The following PCDH10 variants were observed in gnomAD, a reference collection of about 807,000 sequenced individuals.
PCDH10 encodes protocadherin-10.
A neutral mutation model predicts 74.4 loss-of-function variants in PCDH10; 15 were observed. The ratio of observed to expected loss-of-function variants is 0.20; its 90% CI spans 0.13 to 0.31. The LOEUF (loss-of-function observed/expected upper bound fraction) is 0.31, where lower values mean the gene tolerates loss of function less well. Ranked by LOEUF, PCDH10 falls within the 10% of genes least tolerant of loss-of-function variation. PCDH10 has a pLI of 1.00. For synonymous variants in PCDH10, 619 were observed against 589.8 expected (o/e 1.05, Z -0.72); for missense variants, 1,260 against 1,390.2 (o/e 0.91, Z 1.49).
chr4:133,150,677 A>T lies in PCDH10; in HGVS notation c.537A>T (p.Arg179=), dbSNP rs1726647295. 3.1e-6 allele frequency: 5 copies of T among 1,612,394 alleles called. No individual in the cohort carries two copies. Among genetic ancestry groups the T allele is most frequent in the Non-Finnish European group, 3.4e-6 (4 of 1,179,844 alleles). ...LDVQTQGDGN[R]FAELVLEKPL... is the part of the protein sequence containing the mutation. ...TGCAGACCCAGGGGGATGGCAACCGATTCGCTGAGCTGGTGCTGGAGAAGC... is the reference window on the plus strand; with the variant it reads ...TGCAGACCCAGGGGGATGGCAACCGTTTCGCTGAGCTGGTGCTGGAGAAGC... The change falls in exon 1 of 5, where the codon CGA becomes CGT. Residue 179 remains arginine (R), a synonymous_variant. Transcript: ENST00000264360.
chr4:133,165,510 A>T (rs529980647), intron 4 of PCDH10, among the ~76,000 whole-genome samples: 1 of 151,876 alleles, frequency 6.6e-6, no homozygotes, highest in South Asian at 2.1e-4. Flanking sequence ...TTTTTCATTC[A>T]GAATAGAAAT....
At position 133,151,080 on chromosome 4, in the gene PCDH10, G is replaced by T; in HGVS notation, c.940G>T (p.Gly314Cys). 6.2e-7 allele frequency: 1 copy of T among 1,614,122 alleles called. No homozygotes were observed. Among genetic ancestry groups the T allele is most frequent in the Non-Finnish European group, 8.5e-7 (1 of 1,180,030 alleles). The change falls in exon 1 of 5, where the codon GGC (glycine) becomes TGC (cysteine). Residue 314 changes from glycine (G) to cysteine (C), a missense_variant. By Grantham distance (159) the Gly-to-Cys change is radical. Transcript: ENST00000264360. Reference sequence around the variant, plus strand: ...GCGCACTGGCAGACTGGAGGTAAGCGGCGAGTTGGACTATGAAGAGAGCCC... The same window carrying T: ...GCGCACTGGCAGACTGGAGGTAAGCTGCGAGTTGGACTATGAAGAGAGCCC... ...SPRTGRLEVS[G>C]ELDYEESPVY... is the part of the protein sequence containing the mutation.
rs1726594225 is a variant in PCDH10 at position 133,149,529 on chromosome 4, C to T, written c.-612C>T. 6.6e-6 allele frequency: 1 copy of T among 152,364 alleles called. No homozygotes were observed. The highest frequency in any genetic ancestry group is 2.1e-4 in the South Asian group (1 of 4,836). 9.4% of individuals were successfully genotyped at this position (152,364 alleles called of 1,614,324 possible). A position where few individuals can be genotyped will look rare whatever the true frequency, so the allele number is the denominator to read the frequency against. On this transcript the variant is annotated 5_prime_UTR_variant, in exon 1 of 5. Transcript: ENST00000264360. The stretch of plus-strand genomic sequence containing the variant: ...AAGAGGAAAAAAATGTCAAGAAGAA[C>T]ATCCATCCGGAGAAATGAAGAGAAT...
intron 4 of PCDH10, among the ~76,000 whole-genome samples, chr4:133,176,437 T>G (rs896202849): frequency 6.6e-6 from 1 of 152,136 alleles, no homozygotes; most frequent in East Asian, 1.9e-4. Context: ...GAGGCACTCA[T>G]TAAGTGTTCA....
downstream of PCDH10, among the ~76,000 whole-genome samples, chr4:133,197,636 G>A (rs1276342699): frequency 6.6e-6 from 1 of 151,110 alleles, no homozygotes; most frequent in Non-Finnish European, 1.5e-5. Flanking sequence ...TTTTTGTTTT[G>A]GTTTGCTTAT....
intron 4 of PCDH10, among the ~76,000 whole-genome samples, chr4:133,165,065 C>T (rs1321978998): frequency 2.0e-5 from 3 of 146,842 alleles, no homozygotes; most frequent in Non-Finnish European, 4.5e-5. Flanking sequence ...TATATATACA[C>T]ATATATATAT....
chr4:133,180,180 A>G (rs993095316), intron 4 of PCDH10, among the ~76,000 whole-genome samples: 1 of 151,970 alleles, frequency 6.6e-6, no homozygotes, highest in African/African-American at 2.4e-5. Flanking sequence ...TCACTAAGCT[A>G]TTTTCTTTTC....
intron 4 of PCDH10, among the ~76,000 whole-genome samples, chr4:133,165,644 A>G (rs1423942114): frequency 6.6e-6 from 1 of 151,756 alleles, no homozygotes; most frequent in African/African-American, 2.4e-5. Context: ...TTTGCTAAAT[A>G]TGCAGTTTCA....
chr4:133,160,498 A>C (rs2125862193), intron 3 of PCDH10, among the ~76,000 whole-genome samples: 1 of 151,438 alleles, frequency 6.6e-6, no homozygotes, highest in Admixed American at 6.6e-5. Context: ...AGGAAATTTT[A>C]ACCAAACTCA....
At chr4:133,207,937 T>G (rs545936443) in intron 2 of PCDH10, 1 of 152,268 alleles carries the variant, frequency 6.6e-6, no homozygotes, top group South Asian at 2.1e-4. Context: ...GTAGGTGGGA[T>G]TAGTAAACCA....
At chr4:133,200,324 C>T (rs565814246) in intron 2 of PCDH10, among the ~76,000 whole-genome samples, 300 of 151,518 alleles carry the variant, frequency 2.0e-3, no homozygotes, top group Middle Eastern at 3.4e-3. Flanking sequence ...AGGCTTGACC[C>T]ATGTAAAAAG....
chr4:133,159,159 C>A (rs1726917811), intron 3 of PCDH10, among the ~76,000 whole-genome samples: 1 of 151,900 alleles, frequency 6.6e-6, no homozygotes, highest in Non-Finnish European at 1.5e-5. Context: ...TGAATGAAAG[C>A]TTGTTGCACA....
rs143231760 is a variant in PCDH10, at chr4:133,151,221, A to T, written c.1081A>T (p.Ser361Cys). 3 of 1,613,816 alleles carry T rather than the reference A, an allele frequency of 1.9e-6. No homozygotes were observed. The African/African-American group carries it at 4.0e-5, about 22-fold the overall frequency. ...ANDNAPEISF[S>C]TVKEAVSEGA... is the part of the protein sequence containing the mutation. Reference sequence around the variant, plus strand: ...TGACAACGCGCCAGAGATCAGCTTCAGCACCGTGAAGGAAGCGGTGAGTGA... The same window carrying T: ...TGACAACGCGCCAGAGATCAGCTTCTGCACCGTGAAGGAAGCGGTGAGTGA... Residue 361 changes from serine to cysteine, a missense_variant, in exon 1 of 5, where the codon AGC becomes TGC. By Grantham distance (112) the Ser-to-Cys change is moderately radical. This residue lies in a region of PCDH10 where 112 missense variants were observed against 123.6 expected (regional missense o/e 0.91). Coordinates refer to ENST00000264360, the MANE Select transcript of PCDH10 (RefSeq NM_032961.3).
chr4:133,195,930 C>A (rs1727786815), downstream of PCDH10, among the ~76,000 whole-genome samples: 1 of 152,040 alleles, frequency 6.6e-6, no homozygotes, highest in African/African-American at 2.4e-5. Context: ...ATCTGTTTTT[C>A]AAATTTAAAC....
At chr4:133,203,035 CTGATTT>C (rs1429193612) in intron 2 of PCDH10, among the ~76,000 whole-genome samples, 1 of 152,094 alleles carries the variant, frequency 6.6e-6, no homozygotes, top group Non-Finnish European at 1.5e-5. Flanking sequence ...TTATGGAATG[CTGATTT>C]CATGACCCAA....
At chr4:133,195,331 C>T (rs1269030354), downstream of PCDH10, among the ~76,000 whole-genome samples, 1 of 151,936 alleles carries the variant, frequency 6.6e-6, no homozygotes, top group African/African-American at 2.4e-5. Flanking sequence ...GAGGGTGTGG[C>T]TAGGTGTTTC....
chr4:133,175,331 A>T (rs772397984), intron 4 of PCDH10, among the ~76,000 whole-genome samples: 11 of 152,098 alleles, frequency 7.2e-5, no homozygotes, highest in Non-Finnish European at 1.5e-4. Context: ...TGCTTTAAGC[A>T]AGTCTTCCCA....
At position 133,194,404 on chromosome 4, in the gene PCDH10, C is replaced by T. The variant is rs1208434343; in HGVS notation, c.*4244C>T. ...CATACATGCTAGAGCTGAAAGTAAGCAGGGAATTTCAGCTCTAAACACATT... is the reference window on the plus strand; with the variant it reads ...CATACATGCTAGAGCTGAAAGTAAGTAGGGAATTTCAGCTCTAAACACATT... On this transcript the variant is annotated 3_prime_UTR_variant, in exon 5 of 5. Coordinates refer to ENST00000264360, the MANE Select transcript of PCDH10 (RefSeq NM_032961.3). 1 of 151,736 alleles carries T rather than the reference C, an allele frequency of 6.6e-6. No individual in the cohort carries two copies. Among genetic ancestry groups the T allele is most frequent in the East Asian group, 1.9e-4 (1 of 5,180 alleles). 9.4% of individuals were successfully genotyped at this position (151,736 alleles called of 1,614,324 possible).
At chr4:133,189,056 A>C (rs1477996407) in intron 4 of PCDH10, among the ~76,000 whole-genome samples, 1 of 152,102 alleles carries the variant, frequency 6.6e-6, no homozygotes, top group Non-Finnish European at 1.5e-5. Flanking sequence ...TGAGCTTTTG[A>C]GGAAAAATAA....
Sources: gnomAD v4.1 joint callset for allele counts (sites outside exome capture counted in the v4.1 genomes callset) on GRCh38, gnomAD v4.1.1 for gene constraint, gnomAD v4.1.1 regional missense constraint, MANE v1.5 for transcripts, NCBI Gene and HGNC (gene_info 2026-07-23, HGNC 2026-07-21) for gene names.